Variants in CALD1 observed in about 807,000 individuals in gnomAD.
CALD1 encodes caldesmon.
A neutral mutation model predicts 99.9 loss-of-function variants in CALD1; 33 were observed. The observed-to-expected ratio is 0.33, with a 90% CI of 0.25 to 0.44. CALD1 has a LOEUF of 0.44. Among genes scored for constraint, CALD1 ranks in the 20% least tolerant of loss-of-function variants. The pLI is 1.00. For missense variants in CALD1, 861 were observed against 962.1 expected (o/e 0.89, Z 1.39); for synonymous variants, 310 against 325.0 (o/e 0.95, Z 0.50).
At chr7:134,735,088 G>A in the CALD1 span, 2 of 183,584 alleles carry the variant, frequency 1.1e-5, no homozygotes. Flanking sequence ...AACCACTCCT[G>A]AATGGTTGTG....
At chr7:134,714,336 T>C in the CALD1 span, among the ~76,000 whole-genome samples, 1 of 152,166 alleles carries the variant, frequency 6.6e-6, no homozygotes, top group Non-Finnish European at 1.5e-5. Flanking sequence ...CAGATCCATA[T>C]TGTAGATAGA....
At chr7:134,803,783 C>T (rs2131862559) in intron 1 of CALD1, among the ~76,000 whole-genome samples, 1 of 151,614 alleles carries the variant, frequency 6.6e-6, no homozygotes, top group Non-Finnish European at 1.5e-5. Context: ...GCAACCTTCG[C>T]CTCCTGGGTT....
intron 4 of CALD1, among the ~76,000 whole-genome samples, chr7:134,929,408 C>A (rs1420497981): frequency 6.6e-6 from 1 of 151,242 alleles, no homozygotes; most frequent in Non-Finnish European, 1.5e-5. Context: ...TACCTTTCTC[C>A]CCGAGTCCCC....
intron 1 of CALD1, among the ~76,000 whole-genome samples, chr7:134,797,330 G>A (rs1045131687): frequency 1.3e-5 from 2 of 152,162 alleles, no homozygotes; most frequent in Non-Finnish European, 2.9e-5. Context: ...AGCACATAGT[G>A]CACAATGGCA....
intron 3 of CALD1, among the ~76,000 whole-genome samples, chr7:134,917,056 G>A (rs552714249): frequency 6.6e-6 from 1 of 152,162 alleles, no homozygotes; most frequent in Non-Finnish European, 1.5e-5. Flanking sequence ...TCCTGCTCTG[G>A]AGCAGGTGTG....
chr7:134,820,256 T>C (rs893321334), intron 1 of CALD1, among the ~76,000 whole-genome samples: 5 of 152,228 alleles, frequency 3.3e-5, no homozygotes, highest in African/African-American at 7.2e-5. Context: ...TACGTATAGA[T>C]GGACAATGAC....
At chr7:134,719,355 T>C in the CALD1 span, among the ~76,000 whole-genome samples, 1 of 152,118 alleles carries the variant, frequency 6.6e-6, no homozygotes, top group Non-Finnish European at 1.5e-5. Context: ...AATAGAGGGC[T>C]GGGGTCCCTA....
intron 1 of CALD1, among the ~76,000 whole-genome samples, chr7:134,744,911 T>C (rs1796622349): frequency 6.6e-6 from 1 of 152,180 alleles, no homozygotes; most frequent in Admixed American, 6.5e-5. Flanking sequence ...TTCCATGTCT[T>C]TCAGGCATGT....
intron 1 of CALD1, among the ~76,000 whole-genome samples, chr7:134,842,214 A>C (rs1428830869): frequency 1.3e-5 from 2 of 152,240 alleles, no homozygotes; most frequent in Non-Finnish European, 2.9e-5. Context: ...TACACCCAGC[A>C]TGGTGGGTCA....
chr7:134,912,598 G>C lies in CALD1; in HGVS notation c.72-16156G>C, dbSNP rs139615514. Among the ~76,000 whole-genome samples the C allele has an allele frequency of 7.9e-5, 12 of 152,262 alleles. No homozygotes were observed. The East Asian group carries it at 2.3e-3, about 29-fold the overall frequency. ...TTCAGAAGTAACTCATGAGAGAACA[G>C]ATCTTTTGGAAAATGGCAGCATTTT... is the stretch of plus-strand genomic sequence containing the variant. On this transcript the variant is annotated intron_variant, in intron 3 of 14. Transcript: ENST00000361675.
rs190027104 is a variant in CALD1 at position 134,939,103 on chromosome 7, C to T, written c.1387-1989C>T. On this transcript the variant is annotated intron_variant, in intron 6 of 14. Coordinates refer to ENST00000361675, the MANE Select transcript of CALD1 (RefSeq NM_033138.4). ...GAACATAAACTCCAGTCCATGGTTT[C>T]TGGGGCTAAGTCTAACAACAATAGG... Among the ~76,000 whole-genome samples the T allele has an allele frequency of 3.3e-5, 5 of 152,312 alleles. No homozygotes were observed. The East Asian group carries it at 9.7e-4, about 29-fold the overall frequency.
At position 134,919,591 on chromosome 7, in the gene CALD1, T is replaced by C. The variant is rs957911757; in HGVS notation, c.72-9163T>C. Among the ~76,000 whole-genome samples, 5 of 152,300 alleles carry C rather than the reference T, an allele frequency of 3.3e-5. No homozygotes were observed. The East Asian group carries it at 9.6e-4, about 29-fold the overall frequency. Reference sequence around the variant, plus strand: ...TTATTGAGAGCCCAAGTATGGTTGGTATGCAAACTTTAGTGACTCTCAAAT... The same window carrying C: ...TTATTGAGAGCCCAAGTATGGTTGGCATGCAAACTTTAGTGACTCTCAAAT... On this transcript the variant is annotated intron_variant, in intron 3 of 14. Transcript: ENST00000361675.
At chr7:134,773,722 C>T (rs963914864) in intron 1 of CALD1, among the ~76,000 whole-genome samples, 5 of 152,050 alleles carry the variant, frequency 3.3e-5, no homozygotes, top group African/African-American at 4.8e-5. Flanking sequence ...TCTTATCTCA[C>T]TGAGAACTGT....
At chr7:134,834,604 A>G (rs1799357495) in intron 1 of CALD1, among the ~76,000 whole-genome samples, 3 of 152,202 alleles carry the variant, frequency 2.0e-5, no homozygotes, top group Admixed American at 2.0e-4. Flanking sequence ...TACTTGTCTT[A>G]CTGACCTCCA....
chr7:134,815,214 A>C (rs1264580669), intron 1 of CALD1, among the ~76,000 whole-genome samples: 1 of 152,036 alleles, frequency 6.6e-6, no homozygotes, highest in Non-Finnish European at 1.5e-5. Flanking sequence ...GTTAGAACCC[A>C]ACACACACTA....
At chr7:134,766,035 C>T (rs1335029342) in intron 1 of CALD1, among the ~76,000 whole-genome samples, 4 of 151,198 alleles carry the variant, frequency 2.6e-5, no homozygotes, top group South Asian at 2.1e-4. Flanking sequence ...TGCCTTCCAT[C>T]GTGATTGAAA....
the CALD1 span, among the ~76,000 whole-genome samples, chr7:134,729,160 T>A: frequency 3.9e-5 from 6 of 152,172 alleles, no homozygotes; most frequent in African/African-American, 7.2e-5. Context: ...CCAAAAGACA[T>A]CATTTTTAAC....
intron 1 of CALD1, among the ~76,000 whole-genome samples, chr7:134,764,834 C>T (rs761514810): frequency 6.9e-4 from 105 of 151,908 alleles, no homozygotes; most frequent in Non-Finnish European, 1.3e-3. Flanking sequence ...AGGTGCACTA[C>T]GTGATGTGGG....
chr7:134,759,209 A>G (rs1796756054), intron 1 of CALD1, among the ~76,000 whole-genome samples: 1 of 152,216 alleles, frequency 6.6e-6, no homozygotes, highest in Non-Finnish European at 1.5e-5. Flanking sequence ...CAATCATTCC[A>G]CAAATATTTA....
Sources: allele counts gnomAD v4.1 joint callset (sites outside exome capture counted in the v4.1 genomes callset), GRCh38; gene constraint gnomAD v4.1.1; transcripts MANE v1.5; gene names NCBI Gene and HGNC (gene_info 2026-07-23, HGNC 2026-07-21).